Variants in ADAMTS14 observed in about 807,000 individuals in gnomAD.
ADAMTS14 encodes the protein A disintegrin and metalloproteinase with thrombospondin motifs 14.
Under a neutral mutation model 128.6 loss-of-function variants are expected in ADAMTS14, and 100 were observed. The ratio of observed to expected loss-of-function variants is 0.78; its 90% CI spans 0.66 to 0.92. The LOEUF (loss-of-function observed/expected upper bound fraction) is 0.92, where lower values mean the gene tolerates loss of function less well. Ranked by LOEUF, ADAMTS14 falls within the 40% of genes least tolerant of loss-of-function variation. The probability of loss-of-function intolerance (pLI) is 0.00; values close to 1 mark genes in which losing one functional copy is unlikely to be tolerated. For synonymous variants in ADAMTS14, 665 were observed against 653.8 expected, an observed-to-expected ratio of 1.02 and a Z score of -0.26; for missense variants, 1,562 against 1,658.6, an observed-to-expected ratio of 0.94 and a Z score of 1.01.
chr10:70,738,766 A>G (rs904348033), intron 10 of ADAMTS14, 76 bp from the exon 11 acceptor site: 10 of 1,598,062 alleles, frequency 6.3e-6, no homozygotes, highest in Non-Finnish European at 8.5e-6. Context: ...TGCTCTTGCT[A>G]TCCCTTTTTC....
intron 8 of ADAMTS14, 58 bp from the exon 9 acceptor site, chr10:70,735,111 G>C: frequency 6.3e-7 from 1 of 1,574,894 alleles, no homozygotes; most frequent in South Asian, 1.2e-5. Context: ...CCCTGGGAAG[G>C]GAAAGCCTGG....
intron 19 of ADAMTS14, among the ~76,000 whole-genome samples, chr10:70,754,900 C>CTTT (rs776011183): frequency 0.078 from 11,803 of 152,140 alleles, 614 homozygotes; most frequent in Middle Eastern, 0.12. Context: ...CCCTGGAGGC[C>CTTT]ACCTTCGGGA....
At chr10:70,708,350 T>C (rs1840728487) in intron 3 of ADAMTS14, among the ~76,000 whole-genome samples, 1 of 152,180 alleles carries the variant, frequency 6.6e-6, no homozygotes, top group African/African-American at 2.4e-5. Flanking sequence ...CTTTCTGCTC[T>C]GGGCCAGTTC....
intron 15 of ADAMTS14, among the ~76,000 whole-genome samples, chr10:70,749,114 G>T (rs182593327): frequency 6.6e-6 from 1 of 152,212 alleles, no homozygotes; most frequent in Non-Finnish European, 1.5e-5. Context: ...CCAACAGGCC[G>T]CTGGGAGAGG....
intron 2 of ADAMTS14, among the ~76,000 whole-genome samples, chr10:70,685,557 A>C (rs951463230): frequency 1.3e-5 from 2 of 152,114 alleles, no homozygotes; most frequent in African/African-American, 4.8e-5. Context: ...CCAGTAGAGG[A>C]AGCCGAGGCT....
At position 70,708,725 on chromosome 10, in the gene ADAMTS14, C is replaced by G. The variant is rs763213695; in HGVS notation, c.817C>G (p.Arg273Gly). 2 of 1,612,054 alleles carry G rather than the reference C, an allele frequency of 1.2e-6. No homozygotes were observed. Among genetic ancestry groups the G allele is most frequent in the Non-Finnish European group, 8.5e-7 (1 of 1,179,214 alleles). ...VLLVVDDSVV[R>G]FHGKEHVQNY... is the part of the protein sequence containing the mutation. ...GCTGGTGGTGGACGACTCGGTGGTT[C>G]GCTTCCATGGCAAGGAGCATGTGCA... Residue 273 changes from arginine to glycine, a missense_variant, in exon 4 of 22, where the codon CGC becomes GGC. By Grantham distance (125) the Arg-to-Gly change is moderately radical. Coordinates refer to ENST00000373207, the MANE Select transcript of ADAMTS14 (RefSeq NM_080722.4).
chr10:70,758,378 T>A (rs1286165734), intron 21 of ADAMTS14, 93 bp downstream of exon 21: 1 of 1,120,176 alleles, frequency 8.9e-7, no homozygotes, highest in Non-Finnish European at 1.3e-6. Flanking sequence ...AAACCCAGCT[T>A]GTAGCTGTCT....
chr10:70,678,436 T>C (rs760347627), intron 2 of ADAMTS14, among the ~76,000 whole-genome samples: 1 of 151,930 alleles, frequency 6.6e-6, no homozygotes, highest in Non-Finnish European at 1.5e-5. Flanking sequence ...GAAGGTGACA[T>C]TTGAACTGGG....
chr10:70,696,681 C>T (rs1027176409), intron 2 of ADAMTS14, among the ~76,000 whole-genome samples: 1 of 152,146 alleles, frequency 6.6e-6, no homozygotes, highest in Non-Finnish European at 1.5e-5. Context: ...AAGGATCACA[C>T]CTTGGAGGTC....
chr10:70,716,731 G>A (rs559240055), intron 4 of ADAMTS14, among the ~76,000 whole-genome samples: 4 of 152,314 alleles, frequency 2.6e-5, no homozygotes, highest in South Asian at 4.1e-4. Context: ...CGGGACCAGA[G>A]GGAGGAGATC....
At chr10:70,759,229 A>C (rs1024931511) in intron 21 of ADAMTS14, among the ~76,000 whole-genome samples, 53 of 149,200 alleles carry the variant, frequency 3.6e-4, no homozygotes, top group African/African-American at 1.2e-3. Flanking sequence ...CTGGTTCCAG[A>C]AATCTGGCGC....
In ADAMTS14 at chr10:70,744,209, G is replaced by A. The variant is rs1287265595; in HGVS notation, c.2182+20G>A. ...AGGCAGGTGAGCCGGGCTGGGGCTG[G>A]GGGGATGACGAGGGCTGACTGGAGT... On this transcript the variant is annotated intron_variant, in intron 14 of 21. Coordinates refer to ENST00000373207, the MANE Select transcript of ADAMTS14 (RefSeq NM_080722.4). 1.3e-6 allele frequency: 2 copies of A among 1,504,768 alleles called. No homozygotes were observed. Among genetic ancestry groups the A allele is most frequent in the Non-Finnish European group, 1.8e-6 (2 of 1,120,002 alleles). The allele number at this position is 1,504,768 out of a possible 1,614,324, so 93.2% of individuals were successfully genotyped here.
intron 2 of ADAMTS14, among the ~76,000 whole-genome samples, chr10:70,675,340 T>C (rs1354579909): frequency 1.3e-5 from 2 of 152,132 alleles, no homozygotes; most frequent in African/African-American, 4.8e-5. Flanking sequence ...TGTGGTTCTT[T>C]CCCTTATTTA....
chr10:70,743,946 A>T, intron 13 of ADAMTS14, 120 bp from the exon 14 acceptor site: 1 of 1,355,180 alleles, frequency 7.4e-7, no homozygotes, highest in Non-Finnish European at 1.0e-6. Flanking sequence ...AATCCTGTCC[A>T]GGGACATCTC....
At chr10:70,731,286 C>T (rs1841630489) in intron 6 of ADAMTS14, among the ~76,000 whole-genome samples, 1 of 152,186 alleles carries the variant, frequency 6.6e-6, no homozygotes, top group Non-Finnish European at 1.5e-5. Context: ...TAGACACAGA[C>T]ATGCACACAC....
intron 3 of ADAMTS14, among the ~76,000 whole-genome samples, chr10:70,704,823 T>G (rs1404729392): frequency 1.3e-5 from 2 of 151,712 alleles, no homozygotes; most frequent in Non-Finnish European, 2.9e-5. Context: ...TATACCCTCA[T>G]GCTCACACAC....
chr10:70,721,183 C>G (rs1841249472), intron 4 of ADAMTS14, among the ~76,000 whole-genome samples: 1 of 151,554 alleles, frequency 6.6e-6, no homozygotes, highest in Admixed American at 6.6e-5. Context: ...TGTCACCATG[C>G]CTGGCTAATT....
intron 4 of ADAMTS14, among the ~76,000 whole-genome samples, chr10:70,726,157 T>A (rs1841420391): frequency 6.6e-6 from 1 of 152,154 alleles, no homozygotes; most frequent in African/African-American, 2.4e-5. Context: ...CTCCTGCCAA[T>A]GTTGGACAGA....
chr10:70,698,211 T>C (rs2132584256), intron 2 of ADAMTS14, among the ~76,000 whole-genome samples: 1 of 152,404 alleles, frequency 6.6e-6, no homozygotes, highest in East Asian at 1.9e-4. Flanking sequence ...TTATTTTCCA[T>C]CCTACCAGAA....
Sources: allele counts gnomAD v4.1 joint callset (sites outside exome capture counted in the v4.1 genomes callset), GRCh38; gene constraint gnomAD v4.1.1; transcripts MANE v1.5; gene names NCBI Gene and HGNC (gene_info 2026-07-23, HGNC 2026-07-21).